Variants in PTPRD observed in about 807,000 individuals in gnomAD.
PTPRD encodes receptor-type tyrosine-protein phosphatase delta.
Under a neutral mutation model 214.5 loss-of-function variants are expected in PTPRD, and 34 were observed. The observed-to-expected ratio is 0.16, with a 90% CI of 0.12 to 0.21. The LOEUF is 0.21. Among genes scored for constraint, PTPRD ranks in the 10% least tolerant of loss-of-function variants. The pLI is 1.00. For missense variants in PTPRD, 2,545 were observed against 2,398.7 expected, an observed-to-expected ratio of 1.06 and a Z score of -1.27; for synonymous variants, 1,128 against 845.7, an observed-to-expected ratio of 1.33 and a Z score of -5.79.
chr9:8,864,776 C>T (rs1019969660), intron 11 of PTPRD, among the ~76,000 whole-genome samples: 1 of 152,166 alleles, frequency 6.6e-6, no homozygotes, highest in Non-Finnish European at 1.5e-5. Flanking sequence ...AGCAGAGTCC[C>T]CATGAGTAAC....
At chr9:8,552,671 T>A (rs2082457806) in intron 14 of PTPRD, among the ~76,000 whole-genome samples, 2 of 151,782 alleles carry the variant, frequency 1.3e-5, no homozygotes, top group African/African-American at 4.9e-5. Context: ...CTCTGGGGTG[T>A]TCATGAGCAA....
At chr9:9,782,371 A>ACG in intron 5 of PTPRD, among the ~76,000 whole-genome samples, 1 of 152,282 alleles carries the variant, frequency 6.6e-6, no homozygotes, top group East Asian at 1.9e-4. Flanking sequence ...ACTAATCACA[A>ACG]TGTCTATTGC....
intron 6 of PTPRD, among the ~76,000 whole-genome samples, chr9:9,741,847 G>A (rs2098406659): frequency 6.6e-6 from 1 of 152,156 alleles, no homozygotes. Context: ...TCTTTATCCA[G>A]TCTATCATTG....
intron 3 of PTPRD, among the ~76,000 whole-genome samples, chr9:10,110,837 G>C (rs968257638): frequency 6.6e-6 from 1 of 152,166 alleles, no homozygotes; most frequent in Non-Finnish European, 1.5e-5. Context: ...TTTATTATGA[G>C]ACTTAATTTC....
intron 2 of PTPRD, among the ~76,000 whole-genome samples, chr9:10,550,210 T>C (rs2131043204): frequency 6.6e-6 from 1 of 152,374 alleles, no homozygotes. Flanking sequence ...CATTCTTCAC[T>C]ATCCACAAGT....
chr9:9,158,290 C>T lies in PTPRD; in HGVS notation c.-143+25014G>A, dbSNP rs191206210. Among the ~76,000 whole-genome samples the T allele has an allele frequency of 9.4e-4, 143 of 152,168 alleles. No individual in the cohort carries two copies. In the Middle Eastern group the frequency reaches 0.017, roughly 18 times the overall value. ...TGCTTCTAAGTCTTTGAGGAATTGCCACACTGTCGTCAACAATCTACTAAA... is the reference window on the plus strand; with the variant it reads ...TGCTTCTAAGTCTTTGAGGAATTGCTACACTGTCGTCAACAATCTACTAAA... On this transcript the variant is annotated intron_variant, in intron 10 of 45. Transcript: ENST00000381196.
intron 2 of PTPRD, among the ~76,000 whole-genome samples, chr9:10,419,587 A>T (rs151025523): frequency 6.6e-6 from 1 of 151,846 alleles, no homozygotes; most frequent in African/African-American, 2.4e-5. Flanking sequence ...TTTGATTAAG[A>T]TATATTATTA....
intron 27 of PTPRD, among the ~76,000 whole-genome samples, chr9:8,486,910 G>C (rs1487745895): frequency 6.6e-6 from 1 of 152,078 alleles, no homozygotes; most frequent in Non-Finnish European, 1.5e-5. Context: ...CATGTAACAA[G>C]TGAGAAATCT....
chr9:9,702,614 G>C (rs933029656), intron 7 of PTPRD, among the ~76,000 whole-genome samples: 2 of 152,158 alleles, frequency 1.3e-5, no homozygotes, highest in African/African-American at 4.8e-5. Flanking sequence ...GAGAAAACTG[G>C]TAGTGAGGAG....
chr9:10,037,661 G>T (rs2097211856), intron 3 of PTPRD, among the ~76,000 whole-genome samples: 1 of 150,448 alleles, frequency 6.6e-6, no homozygotes, highest in East Asian at 2.0e-4. Flanking sequence ...ACCAAGACAA[G>T]TTCTCCATGG....
intron 45 of PTPRD, among the ~76,000 whole-genome samples, chr9:8,318,233 C>G (rs1321880412): frequency 6.6e-6 from 1 of 151,954 alleles, no homozygotes; most frequent in Non-Finnish European, 1.5e-5. Context: ...CAAGTAGTAT[C>G]AAACCATTAC....
intron 10 of PTPRD, among the ~76,000 whole-genome samples, chr9:9,030,906 C>A (rs2099603220): frequency 6.6e-6 from 1 of 151,804 alleles, no homozygotes; most frequent in South Asian, 2.1e-4. Flanking sequence ...TCATATGGTT[C>A]TTATTCATAT....
At chr9:9,180,288 T>C (rs2099927449) in intron 10 of PTPRD, among the ~76,000 whole-genome samples, 1 of 151,876 alleles carries the variant, frequency 6.6e-6, no homozygotes, top group Admixed American at 6.6e-5. Flanking sequence ...TGAGTTCATG[T>C]CTTTTGCAGG....
chr9:8,911,856 T>C (rs2098750495), intron 11 of PTPRD, among the ~76,000 whole-genome samples: 1 of 152,126 alleles, frequency 6.6e-6, no homozygotes. Flanking sequence ...AGCAAAAGGC[T>C]TGAACAGACA....
intron 9 of PTPRD, among the ~76,000 whole-genome samples, chr9:9,188,905 G>A (rs551435310): frequency 1.3e-5 from 2 of 151,778 alleles, no homozygotes; most frequent in East Asian, 3.9e-4. Context: ...CACATAAAGT[G>A]GAAAGAGTCT....
At chr9:10,236,578 T>C (rs2099629630) in intron 3 of PTPRD, among the ~76,000 whole-genome samples, 2 of 151,916 alleles carry the variant, frequency 1.3e-5, no homozygotes, top group Admixed American at 1.3e-4. Flanking sequence ...TAATTTCACT[T>C]TGAAAAATAT....
At chr9:10,096,553 G>C in intron 3 of PTPRD, among the ~76,000 whole-genome samples, 1 of 151,854 alleles carries the variant, frequency 6.6e-6, no homozygotes. Flanking sequence ...AGAAGTGTCT[G>C]TTCATGTCCA....
At chr9:9,659,644 T>C (rs1045794115) in intron 7 of PTPRD, among the ~76,000 whole-genome samples, 6 of 152,066 alleles carry the variant, frequency 3.9e-5, no homozygotes, top group African/African-American at 1.4e-4. Context: ...CAGTAACAGC[T>C]AGAGCTTCAG....
At chr9:10,052,545 T>G (rs144779824) in intron 3 of PTPRD, among the ~76,000 whole-genome samples, 46 of 152,268 alleles carry the variant, frequency 3.0e-4, no homozygotes, top group African/African-American at 1.1e-3. Flanking sequence ...TCAGGTATTG[T>G]AAAACTGGGT....
Sources: allele counts gnomAD v4.1 joint callset (sites outside exome capture counted in the v4.1 genomes callset), GRCh38; gene constraint gnomAD v4.1.1; transcripts MANE v1.5; gene names NCBI Gene and HGNC (gene_info 2026-07-23, HGNC 2026-07-21).